Variants in NT5DC4 observed in about 807,000 individuals in gnomAD.
The protein encoded by NT5DC4 is 5'-nucleotidase domain containing 4, also known as 5'-nucleotidase domain-containing protein 4.
In NT5DC4, 44 loss-of-function variants were observed where a neutral mutation model predicts 26.6. The ratio of observed to expected loss-of-function variants is 1.65; its 90% CI spans 1.30 to 2.13. NT5DC4 has a LOEUF of 2.13. Ranked by LOEUF, NT5DC4 falls within the 30% of genes most tolerant of loss-of-function variation. The pLI is 0.00. For synonymous variants in NT5DC4, 157 were observed against 86.7 expected, an observed-to-expected ratio of 1.81 and a Z score of -4.51; for missense variants, 399 against 228.1, an observed-to-expected ratio of 1.75 and a Z score of -4.83.
chr2:112,719,946 C>CTT (rs1368657433), upstream of NT5DC4, among the ~76,000 whole-genome samples: 4 of 103,316 alleles, frequency 3.9e-5, no homozygotes, highest in Admixed American at 1.1e-4. Context: ...TTCTTTCTTT[C>CTT]TTTCTTTCTT....
chr2:112,724,455 G>C (rs748261939), intron 10 of NT5DC4: 42 of 571,300 alleles, frequency 7.4e-5, no homozygotes, highest in Non-Finnish European at 1.3e-4. Context: ...GGAGTGACCA[G>C]GTGTCACTGG....
intron 16 of NT5DC4, among the ~76,000 whole-genome samples, chr2:112,735,348 G>A (rs1399697959): frequency 6.6e-6 from 1 of 152,098 alleles, no homozygotes; most frequent in African/African-American, 2.4e-5. Flanking sequence ...CCAGCCTCAG[G>A]AACAGTATTT....
At chr2:112,723,502 A>C in intron 8 of NT5DC4, 34 bp downstream of exon 8, 2 of 715,908 alleles carry the variant, frequency 2.8e-6, no homozygotes, top group East Asian at 5.4e-5. Flanking sequence ...CATGGCCATC[A>C]CCCCCAAAGC....
upstream of NT5DC4, among the ~76,000 whole-genome samples, chr2:112,719,889 C>CCTTTCTTTCTTTTTCTTT (rs1294110799): frequency 7.7e-3 from 594 of 77,350 alleles, 21 homozygotes; most frequent in African/African-American, 0.027. Flanking sequence ...TTCTTTCTTT[C>CCTTTCTTTCTTTTTCTTT]CTTTCTTTCT....
intron 4 of NT5DC4, 99 bp downstream of exon 4, chr2:112,722,377 A>T: frequency 1.4e-6 from 1 of 712,092 alleles, no homozygotes; most frequent in South Asian, 1.5e-5. Flanking sequence ...ACGCAGGCCC[A>T]CGGTGGAGGC....
At chr2:112,727,147 G>A in intron 15 of NT5DC4, 1 of 208,772 alleles carries the variant, frequency 4.8e-6, no homozygotes, top group Non-Finnish European at 1.0e-5. Context: ...TTACTGACCG[G>A]CCACCAAAAA....
rs1441336143 is a variant in NT5DC4 at position 112,723,737 on chromosome 2, C to G, written c.691C>G (p.Leu231Val). ...GCCCCAGCCACGCCTCCCCATCCTGCTGGGGAAGATGAAGGAGGTTGGGAA... is the reference window on the plus strand; with the variant it reads ...GCCCCAGCCACGCCTCCCCATCCTGGTGGGGAAGATGAAGGAGGTTGGGAA... ...VKKDPRLPIL[L>V]GKMKEVGKVF... The change falls in exon 9 of 17, where the codon CTG (leucine) becomes GTG (valine). Residue 231 changes from leucine to valine, a missense_variant. Physicochemically the swap from Leu to Val is conservative, Grantham distance 32. Transcript: ENST00000688554. 3 of 717,158 alleles carry G rather than the reference C, an allele frequency of 4.2e-6. No homozygotes were observed. The highest frequency in any genetic ancestry group is 7.8e-6 in the Non-Finnish European group (3 of 385,058). 44.4% of individuals were successfully genotyped at this position (717,158 alleles called of 1,614,324 possible).
upstream of NT5DC4, among the ~76,000 whole-genome samples, chr2:112,720,830 GGT>G (rs1047594890): frequency 1.1e-4 from 17 of 152,198 alleles, no homozygotes; most frequent in African/African-American, 3.9e-4. Flanking sequence ...GAATGAGGAG[GGT>G]GCAGTGGACA....
At chr2:112,730,734 G>T (rs1678388522) in intron 16 of NT5DC4, among the ~76,000 whole-genome samples, 1 of 152,190 alleles carries the variant, frequency 6.6e-6, no homozygotes, top group Non-Finnish European at 1.5e-5. Flanking sequence ...CACAGTGTTT[G>T]TTCTTTCAAC....
In NT5DC4 at chr2:112,738,949, C is replaced by A; in HGVS notation, c.*13C>A. The A allele has an allele frequency of 2.5e-6, 4 of 1,614,186 alleles. No individual in the cohort carries two copies. The highest frequency in any genetic ancestry group is 2.5e-6 in the Non-Finnish European group (3 of 1,180,030). On this transcript the variant is annotated 3_prime_UTR_variant, in exon 17 of 17. Coordinates refer to ENST00000688554, the MANE Select transcript of NT5DC4 (RefSeq NM_001393655.1). ...AAGCCACTACTAAATCGTGTTCCTG[C>A]AGCATTTCTGGGTAGCGGGACACTG...
intron 16 of NT5DC4, among the ~76,000 whole-genome samples, chr2:112,735,072 C>A (rs1678955045): frequency 8.6e-6 from 1 of 116,514 alleles, no homozygotes. Context: ...GAGACTGAGT[C>A]TTGCTCTGTC....
intron 16 of NT5DC4, among the ~76,000 whole-genome samples, chr2:112,735,979 G>GT (rs1342571866): frequency 1.3e-5 from 2 of 152,132 alleles, no homozygotes; most frequent in African/African-American, 4.8e-5. Context: ...GAACTAAGCT[G>GT]TAATGTCAAG....
downstream of NT5DC4, among the ~76,000 whole-genome samples, chr2:112,740,622 T>C (rs532071123): frequency 6.6e-6 from 1 of 152,236 alleles, no homozygotes; most frequent in East Asian, 1.9e-4. Flanking sequence ...GATCTGCAAG[T>C]GCAGGACAAA....
At chr2:112,733,999 C>T (rs1678768639) in intron 16 of NT5DC4, among the ~76,000 whole-genome samples, 1 of 152,066 alleles carries the variant, frequency 6.6e-6, no homozygotes, top group Non-Finnish European at 1.5e-5. Flanking sequence ...GTTAAAAGTT[C>T]TGAACCTGGA....
chr2:112,739,000 T>C lies in NT5DC4; in HGVS notation c.*64T>C. ...CTCGCTCAATCCTCGACGAACGCCG[T>C]ACAGGAGTGATAAATTTCATGTCTT... On this transcript the variant is annotated 3_prime_UTR_variant, in exon 17 of 17. Coordinates refer to ENST00000688554, the MANE Select transcript of NT5DC4 (RefSeq NM_001393655.1). 1 of 1,614,200 alleles carries C rather than the reference T, an allele frequency of 6.2e-7. No individual in the cohort carries two copies. Among genetic ancestry groups the C allele is most frequent in the Non-Finnish European group, 8.5e-7 (1 of 1,180,034 alleles).
At chr2:112,723,511 G>T in intron 8 of NT5DC4, 43 bp downstream of exon 8, 1 of 715,268 alleles carries the variant, frequency 1.4e-6, no homozygotes, top group Non-Finnish European at 2.6e-6. Flanking sequence ...CACCCCCAAA[G>T]CAGCAGGGCT....
At chr2:112,726,352 C>A in intron 14 of NT5DC4, 63 bp downstream of exon 14, 1 of 715,416 alleles carries the variant, frequency 1.4e-6, no homozygotes, top group Non-Finnish European at 2.6e-6. Flanking sequence ...GGCAGTGGCT[C>A]ACATCCCTGC....
Position 112,724,876 on chromosome 2 carries a change from G to A in NT5DC4, c.885G>A (p.Arg295=). The change falls in exon 11 of 17, where the codon AGG becomes AGA. Residue 295 remains arginine, a synonymous_variant. Coordinates refer to ENST00000688554, the MANE Select transcript of NT5DC4 (RefSeq NM_001393655.1). ...PHFFAEGLVL[R]QVNTVMAGAE... ...TCTTTGCAGAGGGGTTGGTCCTGAGGCAGGTCAACACGGTAATGGCAGGTG... is the reference window on the plus strand; with the variant it reads ...TCTTTGCAGAGGGGTTGGTCCTGAGACAGGTCAACACGGTAATGGCAGGTG... 1.4e-6 allele frequency: 1 copy of A among 717,206 alleles called. No individual in the cohort carries two copies. Among genetic ancestry groups the A allele is most frequent in the Non-Finnish European group, 2.6e-6 (1 of 385,022 alleles). 44.4% of individuals were successfully genotyped at this position (717,206 alleles called of 1,614,324 possible).
At chr2:112,732,006 G>T (rs1678549223) in intron 16 of NT5DC4, among the ~76,000 whole-genome samples, 1 of 149,990 alleles carries the variant, frequency 6.7e-6, no homozygotes, top group Non-Finnish European at 1.5e-5. Flanking sequence ...CCACCTCCTG[G>T]GTTCAAGCAA....
Sources: allele counts gnomAD v4.1 joint callset (sites outside exome capture counted in the v4.1 genomes callset), GRCh38; gene constraint gnomAD v4.1.1; transcripts MANE v1.5; gene names NCBI Gene and HGNC (gene_info 2026-07-23, HGNC 2026-07-21).